Variants in NFAT5 observed in about 807,000 individuals in gnomAD.
NFAT5 encodes the protein nuclear factor of activated T cells 5.
A neutral mutation model predicts 166.5 loss-of-function variants in NFAT5; 31 were observed. The observed-to-expected ratio is 0.19, with a 90% CI of 0.14 to 0.25. The LOEUF (loss-of-function observed/expected upper bound fraction) is 0.25, where lower values mean the gene tolerates loss of function less well. NFAT5 is among the 10% of genes least tolerant of loss of function. The pLI is 1.00. For missense variants in NFAT5, 1,449 were observed against 1,821.8 expected, an observed-to-expected ratio of 0.80 and a Z score of 3.72; for synonymous variants, 612 against 639.7, an observed-to-expected ratio of 0.96 and a Z score of 0.65.
intron 9 of NFAT5, among the ~76,000 whole-genome samples, chr16:69,673,949 A>G (rs2036727801): frequency 6.6e-6 from 1 of 152,138 alleles, no homozygotes; most frequent in Non-Finnish European, 1.5e-5. Flanking sequence ...TTTTTCTATC[A>G]TATTATAAAT....
chr16:69,601,160 A>G (rs2151541211), intron 2 of NFAT5, among the ~76,000 whole-genome samples: 1 of 152,286 alleles, frequency 6.6e-6, no homozygotes, highest in African/African-American at 2.4e-5. Flanking sequence ...ACGACAAAAC[A>G]AGAACAAATC....
chr16:69,646,883 C>T, intron 3 of NFAT5, 145 bp from the exon 4 acceptor site: 1 of 677,344 alleles, frequency 1.5e-6, no homozygotes, highest in Non-Finnish European at 2.4e-6. Flanking sequence ...TTGCTTGAAG[C>T]ATTTATATTC....
intron 2 of NFAT5, among the ~76,000 whole-genome samples, chr16:69,593,504 A>G (rs2032603657): frequency 1.3e-5 from 2 of 150,666 alleles, no homozygotes; most frequent in African/African-American, 4.9e-5. Flanking sequence ...AACTAGAGAC[A>G]GTGTCTCCCT....
intron 14 of NFAT5, chr16:69,695,714 A>G (rs916725447): frequency 4.7e-5 from 8 of 171,864 alleles, no homozygotes; most frequent in Non-Finnish European, 7.5e-5. Flanking sequence ...TACAGACCAA[A>G]CATCCCTAGT....
chr16:69,605,524 G>A (rs1441422696), intron 2 of NFAT5, among the ~76,000 whole-genome samples: 5 of 152,164 alleles, frequency 3.3e-5, no homozygotes, highest in South Asian at 2.1e-4. Context: ...ATGGCTTGGC[G>A]CTGGGCAAAT....
intron 4 of NFAT5, chr16:69,649,174 ATACTT>A: frequency 2.1e-6 from 2 of 944,534 alleles, no homozygotes; most frequent in South Asian, 9.8e-5. Flanking sequence ...CAGCAGGTAA[ATACTT>A]AAGTAACTGT....
chr16:69,664,490 T>A (rs2036279140), intron 7 of NFAT5, among the ~76,000 whole-genome samples: 1 of 152,180 alleles, frequency 6.6e-6, no homozygotes, highest in Non-Finnish European at 1.5e-5. Context: ...TTTCACCGTG[T>A]TAGCCAGGAT....
intron 3 of NFAT5, among the ~76,000 whole-genome samples, chr16:69,633,036 C>T (rs6499238): frequency 0.1 from 15,974 of 152,142 alleles, 1,156 homozygotes; most frequent in African/African-American, 0.2. Flanking sequence ...CTGAAGTCTG[C>T]ATTATTAGAG....
chr16:69,572,929 G>T (rs1015030902), intron 2 of NFAT5, among the ~76,000 whole-genome samples: 4 of 152,062 alleles, frequency 2.6e-5, no homozygotes, highest in Non-Finnish European at 4.4e-5. Flanking sequence ...TGCAACCTCT[G>T]CCTCCTGGGT....
chr16:69,679,600 G>A (rs1291206480), intron 10 of NFAT5, among the ~76,000 whole-genome samples: 2 of 152,050 alleles, frequency 1.3e-5, no homozygotes, highest in African/African-American at 4.8e-5. Context: ...GGGAAACAGA[G>A]TGAGACTTTG....
chr16:69,663,873 T>C (rs562468696), intron 7 of NFAT5, among the ~76,000 whole-genome samples: 8 of 152,264 alleles, frequency 5.3e-5, no homozygotes, highest in African/African-American at 1.9e-4. Flanking sequence ...TGAGGTCTTA[T>C]TGATCTGTCC....
At chr16:69,644,062 G>T (rs967912191) in intron 3 of NFAT5, among the ~76,000 whole-genome samples, 2 of 152,142 alleles carry the variant, frequency 1.3e-5, no homozygotes, top group Non-Finnish European at 2.9e-5. Context: ...AAAGCTGGAG[G>T]ATTGCTTGAG....
chr16:69,680,789 T>C (rs891608863), intron 10 of NFAT5, among the ~76,000 whole-genome samples: 2 of 152,162 alleles, frequency 1.3e-5, no homozygotes, highest in South Asian at 4.1e-4. Context: ...AGATGAATTC[T>C]TGCTCTGTCA....
At position 69,646,437 on chromosome 16, in the gene NFAT5, A is replaced by G. The variant is rs562874918; in HGVS notation, c.254-591A>G. 5 of 567,940 alleles carry G rather than the reference A, an allele frequency of 8.8e-6. No individual in the cohort carries two copies. The Admixed American group carries it at 1.1e-4, about 13-fold the overall frequency. The allele number at this position is 567,940 out of a possible 1,614,324, so 35.2% of individuals were successfully genotyped here. A position where few individuals can be genotyped will look rare whatever the true frequency, so the allele number is the denominator to read the frequency against. ...ATTCAGTTGATTATATATTTTTTCT[A>G]TTTATTTCTCATTTTATAATTGATA... On this transcript the variant is annotated intron_variant, in intron 3 of 14. Coordinates refer to ENST00000349945, the MANE Select transcript of NFAT5 (RefSeq NM_138713.4).
Position 69,647,577 on chromosome 16 carries a change from C to T in NFAT5, c.803C>T (p.Ala268Val), listed in dbSNP as rs775167040. The part of the protein sequence containing the change: ...LTTDNKGNSK[A>V]GNGTLENQKG... ...ACGGACAACAAAGGCAACTCAAAAG[C>T]GGGAAATGGGTTGGTATTCACATTT... Residue 268 changes from alanine to valine, a missense_variant, in exon 4 of 15, where the codon GCG (alanine) becomes GTG (valine). Around this residue, in one of 7 missense-constraint regions of NFAT5, gnomAD observed 115 missense variants for 177.1 expected, o/e 0.65. Transcript: ENST00000349945. The surrounding 1 kb of genome is among the most constrained non-coding windows in gnomAD (Gnocchi z 4.8). 6.4e-6 allele frequency: 10 copies of T among 1,571,504 alleles called. No homozygotes were observed. Among genetic ancestry groups the T allele is most frequent in the Admixed American group, 5.3e-5 (3 of 56,930 alleles).
intron 2 of NFAT5, 57 bp from the exon 3 acceptor site, chr16:69,626,346 A>G (rs2151580382): frequency 2.7e-6 from 4 of 1,495,506 alleles, no homozygotes; most frequent in Non-Finnish European, 3.6e-6. Context: ...TGCATATTAG[A>G]TTGTTGACTG....
intron 2 of NFAT5, among the ~76,000 whole-genome samples, chr16:69,573,132 G>A (rs879434430): frequency 1.3e-5 from 2 of 152,142 alleles, no homozygotes; most frequent in African/African-American, 4.8e-5. Flanking sequence ...ATGTGCCACC[G>A]CATCCGGCCA....
rs139281985 is a variant in NFAT5 at position 69,648,552 on chromosome 16, G to C, written c.812+966G>C. 4.3e-4 allele frequency: 428 copies of C among 984,816 alleles called. 2 individuals are homozygous for C. In the African/African-American group the frequency reaches 6.6e-3, roughly 15 times the overall value. The allele number at this position is 984,816 out of a possible 1,614,324, so 61.0% of individuals were successfully genotyped here. On this transcript the variant is annotated intron_variant, in intron 4 of 14. Coordinates refer to ENST00000349945, the MANE Select transcript of NFAT5 (RefSeq NM_138713.4). ...CATGTTTGAGTTTTCTTTCATCTCTGCCAGTCACACTACCCACTAATATAG... is the reference window on the plus strand; with the variant it reads ...CATGTTTGAGTTTTCTTTCATCTCTCCCAGTCACACTACCCACTAATATAG...
chr16:69,584,297 T>G (rs1470978800), intron 2 of NFAT5, among the ~76,000 whole-genome samples: 1 of 151,456 alleles, frequency 6.6e-6, no homozygotes, highest in Non-Finnish European at 1.5e-5. Context: ...AGATGAAAAT[T>G]GAGGTGTATT....
Sources: gnomAD v4.1 joint callset for allele counts (sites outside exome capture counted in the v4.1 genomes callset) on GRCh38, gnomAD v4.1.1 for gene constraint, gnomAD v4.1.1 regional missense constraint, Gnocchi (gnomAD v3.1) non-coding constraint, MANE v1.5 for transcripts, NCBI Gene and HGNC (gene_info 2026-07-23, HGNC 2026-07-21) for gene names.